The following C1orf185 variants were observed in gnomAD, a reference collection of about 807,000 sequenced individuals.
C1orf185 encodes chromosome 1 open reading frame 185, also known as uncharacterized protein C1orf185.
C1orf185 carries 13 observed loss-of-function variants against 16.1 expected under a neutral mutation model. The observed-to-expected ratio is 0.81, with a 90% CI of 0.53 to 1.28. The LOEUF is 1.28. Among genes scored for constraint, C1orf185 ranks in the 50% most tolerant of loss-of-function variants. C1orf185 has a pLI of 0.00. For missense variants in C1orf185, 220 were observed against 225.2 expected (o/e 0.98, Z 0.15); for synonymous variants, 80 against 76.9 (o/e 1.04, Z -0.21).
downstream of C1orf185, among the ~76,000 whole-genome samples, chr1:51,148,264 C>G (rs1314018398): frequency 6.6e-6 from 1 of 152,064 alleles, no homozygotes; most frequent in Admixed American, 6.6e-5. Context: ...GCTGGGATTA[C>G]AGGCGCCTAC....
At position 51,140,232 on chromosome 1, in the gene C1orf185, G is replaced by A. The variant is rs72892498; in HGVS notation, c.259-5492G>A. Among the ~76,000 whole-genome samples the A allele has an allele frequency of 3.3e-3, 496 of 152,186 alleles. 2 individuals carry two copies. The highest frequency in any genetic ancestry group is 0.011 in the African/African-American group (476 of 41,544). Reference sequence around the variant, plus strand: ...ATTCTGGTATGACTTTTCTGTTTGTGCAAATTACATCCTTCAGAATTTATT... The same window carrying A: ...ATTCTGGTATGACTTTTCTGTTTGTACAAATTACATCCTTCAGAATTTATT... On this transcript the variant is annotated intron_variant, in intron 3 of 4. Transcript: ENST00000371759.
intron 2 of C1orf185, among the ~76,000 whole-genome samples, chr1:51,113,577 C>T (rs988297043): frequency 2.0e-5 from 3 of 151,966 alleles, no homozygotes; most frequent in African/African-American, 7.2e-5. Flanking sequence ...CCCAGCTGCT[C>T]GGGAGGCTAA....
intron 4 of C1orf185, 62 bp from the exon 5 acceptor site, chr1:51,147,405 G>A: frequency 1.4e-6 from 2 of 1,383,226 alleles, no homozygotes; most frequent in Non-Finnish European, 1.9e-6. Context: ...TTCTGACATT[G>A]TCCTTATAAT....
At chr1:51,110,396 C>T (rs1025863068) in intron 1 of C1orf185, among the ~76,000 whole-genome samples, 3 of 152,048 alleles carry the variant, frequency 2.0e-5, no homozygotes, top group African/African-American at 7.2e-5. Context: ...GAGAAATAAC[C>T]TTATATAACC....
intron 3 of C1orf185, 69 bp downstream of exon 3, chr1:51,118,870 G>C: frequency 8.7e-7 from 1 of 1,145,116 alleles, no homozygotes; most frequent in Non-Finnish European, 1.1e-6. Context: ...TAGCATTGCT[G>C]TCTTAAAATC....
rs115268581 is a variant in C1orf185, at chr1:51,125,978, C to T, written c.258+7177C>T. ...TTCAAGACCAGCCTGGGCAGCATAG[C>T]GAGACCCCAGCTCTAAAAACAAAAA... On this transcript the variant is annotated intron_variant, in intron 3 of 4. Coordinates refer to ENST00000371759, the MANE Select transcript of C1orf185 (RefSeq NM_001136508.2). Among the ~76,000 whole-genome samples, 889 of 152,110 alleles carry T rather than the reference C, an allele frequency of 5.8e-3. 5 individuals are homozygous for T. Among genetic ancestry groups the T allele is most frequent in the African/African-American group, 0.02 (819 of 41,462 alleles).
intron 2 of C1orf185, among the ~76,000 whole-genome samples, chr1:51,114,074 CTT>C (rs1646141393): frequency 6.6e-6 from 1 of 152,190 alleles, no homozygotes; most frequent in Admixed American, 6.5e-5. Flanking sequence ...CATAGGAAGA[CTT>C]TGTGCAAGAG....
intron 2 of C1orf185, among the ~76,000 whole-genome samples, chr1:51,116,605 C>T (rs189923870): frequency 5.3e-5 from 8 of 152,052 alleles, no homozygotes; most frequent in African/African-American, 1.7e-4. Flanking sequence ...TGAACCACTG[C>T]GCCCAGCCCA....
chr1:51,104,511 C>T lies in C1orf185; in HGVS notation c.16+2262C>T, dbSNP rs376447060. On this transcript the variant is annotated intron_variant, in intron 1 of 4. Transcript: ENST00000371759. ...AAACCAAGTGAATTTAAGTTACAGACATTAAGGCAAGAGAGGGAGAAAAAT... is the reference window on the plus strand; with the variant it reads ...AAACCAAGTGAATTTAAGTTACAGATATTAAGGCAAGAGAGGGAGAAAAAT... Among the ~76,000 whole-genome samples, 51 of 152,186 alleles carry T rather than the reference C, an allele frequency of 3.4e-4. No homozygotes were observed. In the South Asian group the frequency reaches 9.3e-3, roughly 28 times the overall value.
At chr1:51,138,458 T>C (rs1234331439) in intron 3 of C1orf185, among the ~76,000 whole-genome samples, 1 of 152,002 alleles carries the variant, frequency 6.6e-6, no homozygotes, top group Non-Finnish European at 1.5e-5. Context: ...AGTGGCACAA[T>C]CTCGGCTCAC....
chr1:51,112,662 A>G, intron 2 of C1orf185, 93 bp downstream of exon 2: 1 of 1,149,152 alleles, frequency 8.7e-7, no homozygotes, highest in Non-Finnish European at 1.2e-6. Flanking sequence ...AATAACTATG[A>G]TAGTATTGAT....
At chr1:51,104,246 G>A (rs1048782557) in intron 1 of C1orf185, among the ~76,000 whole-genome samples, 9 of 152,080 alleles carry the variant, frequency 5.9e-5, no homozygotes, top group African/African-American at 1.9e-4. Flanking sequence ...CAAAACTCAA[G>A]AAGAGCAAAA....
chr1:51,128,028 T>C (rs576669164), intron 3 of C1orf185, among the ~76,000 whole-genome samples: 2 of 151,658 alleles, frequency 1.3e-5, no homozygotes, highest in Non-Finnish European at 2.9e-5. Context: ...GTTGGGACTA[T>C]AGGCGCGTGC....
In C1orf185 at chr1:51,141,834, T is replaced by C. The variant is rs550367898; in HGVS notation, c.259-3890T>C. Among the ~76,000 whole-genome samples the C allele has an allele frequency of 3.9e-5, 6 of 152,216 alleles. No homozygotes were observed. The South Asian group carries it at 1.2e-3, about 32-fold the overall frequency. On this transcript the variant is annotated intron_variant, in intron 3 of 4. Coordinates refer to ENST00000371759, the MANE Select transcript of C1orf185 (RefSeq NM_001136508.2). The stretch of plus-strand genomic sequence containing the variant: ...TGATTCAAATACTCTCATATATATA[T>C]AATTTTTTTTCTGTTGAGATGGAGT...
chr1:51,102,427 G>A (rs1367783670), intron 1 of C1orf185, 178 bp downstream of exon 1: 6 of 413,890 alleles, frequency 1.4e-5, no homozygotes, highest in Non-Finnish European at 2.6e-5. Context: ...TTTTCTTTGG[G>A]GGAAATTTTG....
intron 3 of C1orf185, among the ~76,000 whole-genome samples, chr1:51,137,597 T>A (rs1434160949): frequency 6.6e-6 from 1 of 152,148 alleles, no homozygotes; most frequent in Non-Finnish European, 1.5e-5. Context: ...TCTTACACAC[T>A]GTTATGGGAG....
Position 51,107,905 on chromosome 1 carries a change from T to C in C1orf185, c.17-4559T>C, listed in dbSNP as rs553511167. On this transcript the variant is annotated intron_variant, in intron 1 of 4. Coordinates refer to ENST00000371759, the MANE Select transcript of C1orf185 (RefSeq NM_001136508.2). ...TATCCATTCAACTATTGATTGGCAT[T>C]TGGACAGTTTCCAATTTGTGGGCTA... Among the ~76,000 whole-genome samples the C allele has an allele frequency of 7.2e-5, 11 of 152,378 alleles. No individual in the cohort carries two copies. The South Asian group carries it at 1.9e-3, about 26-fold the overall frequency.
At chr1:51,109,587 G>A (rs979049212) in intron 1 of C1orf185, among the ~76,000 whole-genome samples, 1 of 151,432 alleles carries the variant, frequency 6.6e-6, no homozygotes, top group African/African-American at 2.4e-5. Context: ...GTTGATTTTT[G>A]TATATGGTGA....
At chr1:51,124,983 T>G (rs908098678) in intron 3 of C1orf185, among the ~76,000 whole-genome samples, 81 of 152,346 alleles carry the variant, frequency 5.3e-4, no homozygotes, top group African/African-American at 1.9e-3. Flanking sequence ...GAGGCCCATC[T>G]TCTGTAACTG....
Sources: allele counts gnomAD v4.1 joint callset (sites outside exome capture counted in the v4.1 genomes callset), GRCh38; gene constraint gnomAD v4.1.1; transcripts MANE v1.5; gene names NCBI Gene and HGNC (gene_info 2026-07-23, HGNC 2026-07-21).